ANXA13: variants seen among roughly 807,000 people sequenced by gnomAD.
The protein encoded by ANXA13 is annexin XIII.
ANXA13 carries 36 observed loss-of-function variants against 46.6 expected under a neutral mutation model. The ratio of observed to expected loss-of-function variants is 0.77; its 90% CI spans 0.59 to 1.02. The LOEUF is 1.02. Ranked by LOEUF, ANXA13 falls within the 50% of genes least tolerant of loss-of-function variation. ANXA13 has a pLI of 0.00. For synonymous variants in ANXA13, 163 were observed against 152.9 expected (o/e 1.07, Z -0.49); for missense variants, 417 against 396.5 (o/e 1.05, Z -0.44).
intron 7 of ANXA13, 82 bp from the exon 8 acceptor site, chr8:123,693,380 C>G: frequency 3.2e-6 from 4 of 1,237,002 alleles, no homozygotes; most frequent in Middle Eastern, 1.9e-4. Flanking sequence ...GCCTCACTGA[C>G]AGGAAATTAT....
At chr8:123,706,860 C>A (rs1380474105) in intron 2 of ANXA13, among the ~76,000 whole-genome samples, 1 of 152,212 alleles carries the variant, frequency 6.6e-6, no homozygotes, top group Non-Finnish European at 1.5e-5. Context: ...AGATGATTTG[C>A]AGCTCCTAGA....
intron 10 of ANXA13, 24 bp downstream of exon 10, chr8:123,684,586 C>G (rs773799794): frequency 6.5e-7 from 1 of 1,536,458 alleles, no homozygotes; most frequent in Non-Finnish European, 9.0e-7. Flanking sequence ...GCAGCCGCCT[C>G]TTTGGAGTCG....
At chr8:123,687,501 C>T (rs191678907) in intron 9 of ANXA13, among the ~76,000 whole-genome samples, 18 of 152,176 alleles carry the variant, frequency 1.2e-4, no homozygotes, top group Admixed American at 2.6e-4. Flanking sequence ...TACCAGGGCT[C>T]GTGTATATAT....
intron 10 of ANXA13, 124 bp from the exon 11 acceptor site, chr8:123,681,483 G>GAAATAAAGCCCTATCTCAA: frequency 1.1e-6 from 1 of 898,884 alleles, no homozygotes; most frequent in Non-Finnish European, 1.6e-6. Flanking sequence ...CTTGAGATAG[G>GAAATAAAGCCCTATCTCAA]GCTTTATTTC....
At chr8:123,700,449 T>C (rs1211547462) in intron 3 of ANXA13, among the ~76,000 whole-genome samples, 3 of 152,208 alleles carry the variant, frequency 2.0e-5, no homozygotes, top group Non-Finnish European at 4.4e-5. Flanking sequence ...GGGGCTGAGA[T>C]TGGATCATAC....
intron 1 of ANXA13, among the ~76,000 whole-genome samples, chr8:123,721,917 A>C (rs1310442218): frequency 2.0e-5 from 3 of 152,216 alleles, no homozygotes; most frequent in Non-Finnish European, 4.4e-5. Flanking sequence ...ATTCAAACCC[A>C]TGCAGTCTGG....
chr8:123,701,820 T>C (rs1306456786), intron 3 of ANXA13, among the ~76,000 whole-genome samples: 1 of 152,184 alleles, frequency 6.6e-6, no homozygotes, highest in Non-Finnish European at 1.5e-5. Context: ...CTTTTTCCTG[T>C]ATTGGTACAT....
At chr8:123,708,070 A>G (rs1813576635) in intron 2 of ANXA13, among the ~76,000 whole-genome samples, 2 of 152,222 alleles carry the variant, frequency 1.3e-5, no homozygotes, top group South Asian at 4.1e-4. Flanking sequence ...CAGTGACCTC[A>G]CTTTACATTT....
At chr8:123,721,719 A>G (rs1371401100) in intron 1 of ANXA13, among the ~76,000 whole-genome samples, 2 of 152,238 alleles carry the variant, frequency 1.3e-5, no homozygotes, top group African/African-American at 4.8e-5. Context: ...AGAGAGATGT[A>G]TAGGAGGAAA....
intron 1 of ANXA13, among the ~76,000 whole-genome samples, chr8:123,716,736 G>A (rs1367199598): frequency 6.6e-6 from 1 of 152,122 alleles, no homozygotes; most frequent in Non-Finnish European, 1.5e-5. Flanking sequence ...TTCTTCTCGG[G>A]AATGTAGATG....
chr8:123,694,030 C>T (rs1813288124), intron 6 of ANXA13, among the ~76,000 whole-genome samples: 1 of 151,878 alleles, frequency 6.6e-6, no homozygotes, highest in South Asian at 2.1e-4. Flanking sequence ...ACCCACACAC[C>T]CCACTGACCT....
chr8:123,688,845 C>T (rs758629229), intron 9 of ANXA13, 26 bp downstream of exon 9: 3 of 1,609,270 alleles, frequency 1.9e-6, no homozygotes, highest in East Asian at 4.5e-5. Flanking sequence ...CAACCTAAGA[C>T]AGGAGCTCTC....
chr8:123,725,387 T>C (rs1228009891), intron 1 of ANXA13, among the ~76,000 whole-genome samples: 1 of 152,220 alleles, frequency 6.6e-6, no homozygotes, highest in African/African-American at 2.4e-5. Flanking sequence ...AGGGTCACCT[T>C]ATGGAAACAT....
intron 1 of ANXA13, among the ~76,000 whole-genome samples, chr8:123,730,822 C>T (rs993085333): frequency 1.3e-5 from 2 of 152,130 alleles, no homozygotes; most frequent in Non-Finnish European, 2.9e-5. Context: ...AGCAAAGTCA[C>T]ATCTTACATG....
intron 1 of ANXA13, among the ~76,000 whole-genome samples, chr8:123,726,306 T>C (rs1813991322): frequency 6.6e-6 from 1 of 152,234 alleles, no homozygotes; most frequent in Non-Finnish European, 1.5e-5. Flanking sequence ...GTTGATGTGA[T>C]ATTTACTTAT....
chr8:123,689,914 G>A (rs550774870), intron 8 of ANXA13, among the ~76,000 whole-genome samples: 117 of 152,180 alleles, frequency 7.7e-4, no homozygotes, highest in Non-Finnish European at 1.3e-3. Context: ...GAAAACACAG[G>A]TAAACAAAAT....
At chr8:123,684,938 T>C (rs1161269241) in intron 9 of ANXA13, among the ~76,000 whole-genome samples, 2 of 152,218 alleles carry the variant, frequency 1.3e-5, no homozygotes. Flanking sequence ...TCCTGTCCCC[T>C]GAAGACCCTC....
intron 1 of ANXA13, among the ~76,000 whole-genome samples, chr8:123,713,133 A>G (rs1431572468): frequency 6.6e-6 from 1 of 152,196 alleles, no homozygotes. Context: ...AGACACAGCT[A>G]TGTCTAAGGA....
chr8:123,686,984 G>T (rs1406131935), intron 9 of ANXA13, among the ~76,000 whole-genome samples: 1 of 152,106 alleles, frequency 6.6e-6, no homozygotes, highest in Admixed American at 6.5e-5. Context: ...CAACCCCAGG[G>T]ACTTGGCTTT....
Sources: gnomAD v4.1 joint callset for allele counts (sites outside exome capture counted in the v4.1 genomes callset) on GRCh38, gnomAD v4.1.1 for gene constraint, MANE v1.5 for transcripts, NCBI Gene and HGNC (gene_info 2026-07-23, HGNC 2026-07-21) for gene names.